Variants in PMS1 observed in about 807,000 individuals in gnomAD.
PMS1 encodes the protein PMS1 homolog 1, mismatch repair system component.
In PMS1, 79 loss-of-function variants were observed where a neutral mutation model predicts 93.1. The observed-to-expected ratio is 0.85, with a 90% CI of 0.71 to 1.02. PMS1 has a LOEUF of 1.02. PMS1 is among the 50% of genes least tolerant of loss of function. The pLI, the probability that PMS1 is intolerant of heterozygous loss-of-function variation, is 0.00. For missense variants in PMS1, 1,064 were observed against 1,085.3 expected (o/e 0.98, Z 0.28); for synonymous variants, 335 against 363.4 (o/e 0.92, Z 0.89).
intron 4 of PMS1, among the ~76,000 whole-genome samples, chr2:189,808,007 G>A (rs541776672): frequency 1.3e-5 from 2 of 152,166 alleles, no homozygotes; most frequent in East Asian, 3.9e-4. Flanking sequence ...AGCCTTTTAT[G>A]TTTATATTGC....
At chr2:189,869,638 G>A (rs1319081470) in intron 11 of PMS1, among the ~76,000 whole-genome samples, 1 of 151,952 alleles carries the variant, frequency 6.6e-6, no homozygotes, top group Non-Finnish European at 1.5e-5. Flanking sequence ...CCAACACGGC[G>A]AAATACTGTC....
In PMS1 at chr2:189,851,911, C is replaced by G. The variant is rs568261770; in HGVS notation, c.700-744C>G. Among the ~76,000 whole-genome samples, 6 of 152,260 alleles carry G rather than the reference C, an allele frequency of 3.9e-5. No homozygotes were observed. In the East Asian group the frequency reaches 1.2e-3, roughly 29 times the overall value. ...ATAGGATGTTGTCTTTAGCTGTGTT[C>G]ATTAACTAAAGATAAAAGTGGGAGC... On this transcript the variant is annotated intron_variant, in intron 6 of 12. Coordinates refer to ENST00000441310, the MANE Select transcript of PMS1 (RefSeq NM_000534.5).
At chr2:189,805,931 A>G (rs1419303508) in intron 4 of PMS1, 177 bp downstream of exon 4, 1 of 1,513,980 alleles carries the variant, frequency 6.6e-7, no homozygotes, top group East Asian at 2.5e-5. Flanking sequence ...TTTCTTAAAT[A>G]TTTAGAATTG....
chr2:189,815,366 G>A (rs570502922), intron 4 of PMS1, among the ~76,000 whole-genome samples: 33 of 152,106 alleles, frequency 2.2e-4, no homozygotes, highest in Non-Finnish European at 3.5e-4. Flanking sequence ...ATCTCATCTC[G>A]AATTGTAATC....
At chr2:189,790,398 T>C (rs906047210) in intron 1 of PMS1, among the ~76,000 whole-genome samples, 3 of 152,210 alleles carry the variant, frequency 2.0e-5, no homozygotes, top group Non-Finnish European at 4.4e-5. Context: ...GTTATTACCA[T>C]AGCATTTGTT....
chr2:189,806,051 A>G (rs957754728), intron 4 of PMS1: 4 of 731,730 alleles, frequency 5.5e-6, no homozygotes, highest in African/African-American at 3.6e-5. Context: ...TGTCATCTTC[A>G]TATATGAAGA....
At chr2:189,842,877 GC>G (rs773928684) in intron 5 of PMS1, among the ~76,000 whole-genome samples, 3 of 151,772 alleles carry the variant, frequency 2.0e-5, no homozygotes, top group Non-Finnish European at 2.9e-5. Flanking sequence ...TAAATACTTA[GC>G]TCAAGGGGGG....
chr2:189,808,273 A>G (rs1350700500), intron 4 of PMS1, among the ~76,000 whole-genome samples: 1 of 152,152 alleles, frequency 6.6e-6, no homozygotes, highest in Non-Finnish European at 1.5e-5. Flanking sequence ...AACTTACAAC[A>G]TAATTTTATT....
chr2:189,834,169 A>G (rs1265121017), intron 5 of PMS1, among the ~76,000 whole-genome samples: 1 of 152,220 alleles, frequency 6.6e-6, no homozygotes, highest in African/African-American at 2.4e-5. Flanking sequence ...ATTGTTTAAA[A>G]TCTGATTAGA....
At chr2:189,805,806 G>A (rs767610659) in intron 4 of PMS1, 52 bp downstream of exon 4, 10 of 1,597,376 alleles carry the variant, frequency 6.3e-6, no homozygotes, top group African/African-American at 1.4e-5. Context: ...TGTCTTAATT[G>A]TTGGTTTAAA....
intron 5 of PMS1, among the ~76,000 whole-genome samples, chr2:189,840,662 AAATG>A (rs1244926032): frequency 6.6e-6 from 1 of 152,220 alleles, no homozygotes; most frequent in African/African-American, 2.4e-5. Context: ...ATCTGTATGA[AAATG>A]AATGCAAATT....
At chr2:189,864,279 C>T (rs755916076) in intron 10 of PMS1, 51 bp downstream of exon 10, 2 of 1,214,708 alleles carry the variant, frequency 1.6e-6, no homozygotes, top group Admixed American at 1.7e-5. Context: ...TATAATAGTT[C>T]ATACTAGATT....
intron 3 of PMS1, among the ~76,000 whole-genome samples, chr2:189,804,394 G>A (rs2050154635): frequency 1.3e-5 from 2 of 152,260 alleles, no homozygotes; most frequent in Middle Eastern, 3.4e-3. Flanking sequence ...ATGTATTTTG[G>A]AAGAGGTAGA....
intron 10 of PMS1, among the ~76,000 whole-genome samples, chr2:189,867,270 T>C (rs1440578652): frequency 6.6e-6 from 1 of 152,218 alleles, no homozygotes; most frequent in Non-Finnish European, 1.5e-5. Context: ...CCTCAAGTTT[T>C]TGCACCACTC....
At chr2:189,811,780 G>A (rs1304398671) in intron 4 of PMS1, among the ~76,000 whole-genome samples, 2 of 152,172 alleles carry the variant, frequency 1.3e-5, no homozygotes, top group Non-Finnish European at 2.9e-5. Flanking sequence ...TAATGTGTTG[G>A]ACAGGAGTGT....
In PMS1 at chr2:189,795,838, G is replaced by A. The variant is rs1252188244; in HGVS notation, c.202G>A (p.Val68Ile). The change falls in exon 3 of 13, where the codon GTA becomes ATA. Residue 68 changes from valine (V) to isoleucine (I), a missense_variant. Physicochemically the swap from Val to Ile is conservative, Grantham distance 29. Transcript: ENST00000441310. The stretch of plus-strand genomic sequence containing the variant: ...GGGTATCAAGGCTGTTGATGCACCT[G>A]TAATGGCAATGAAGTACTACACCTC... ...GEGIKAVDAPVMAMKYYTSKI... is the reference protein window; with the variant it reads ...GEGIKAVDAPIMAMKYYTSKI... 6.2e-7 allele frequency: 1 copy of A among 1,612,802 alleles called. No individual in the cohort carries two copies. Among genetic ancestry groups the A allele is most frequent in the South Asian group, 1.1e-5 (1 of 91,060 alleles).
intron 5 of PMS1, among the ~76,000 whole-genome samples, chr2:189,826,585 C>T (rs1293358218): frequency 6.6e-6 from 1 of 151,892 alleles, no homozygotes; most frequent in African/African-American, 2.4e-5. Context: ...ACATATAAGT[C>T]AAGTTTTAGT....
Position 189,804,537 on chromosome 2 carries a change from C to T in PMS1, c.316-1115C>T, listed in dbSNP as rs1357655616. Among the ~76,000 whole-genome samples, 4 of 152,100 alleles carry T rather than the reference C, an allele frequency of 2.6e-5. No individual in the cohort carries two copies. The East Asian group carries it at 7.7e-4, about 29-fold the overall frequency. ...GACTTCATTTTCAGAGAGAATCTAA[C>T]GTCCTCTGCTGGTACTGTGAGCTGG... On this transcript the variant is annotated intron_variant, in intron 3 of 12. Transcript: ENST00000441310.
intron 3 of PMS1, 52 bp from the exon 4 acceptor site, chr2:189,805,600 A>G: frequency 7.5e-7 from 1 of 1,325,984 alleles, no homozygotes; most frequent in Non-Finnish European, 1.1e-6. Context: ...TTGATAATGA[A>G]CCCATCGCAA....
Sources: allele counts gnomAD v4.1 joint callset (sites outside exome capture counted in the v4.1 genomes callset), GRCh38; gene constraint gnomAD v4.1.1; transcripts MANE v1.5; gene names NCBI Gene and HGNC (gene_info 2026-07-23, HGNC 2026-07-21).